Variants in MSI2 observed in about 807,000 individuals in gnomAD.
MSI2 encodes the protein musashi RNA binding protein 2, also known as RNA-binding protein Musashi homolog 2.
In MSI2, 17 loss-of-function variants were observed where a neutral mutation model predicts 45.6. That is an observed-to-expected ratio of 0.37 (90% CI 0.26 to 0.56). MSI2 has a LOEUF of 0.56. Among genes scored for constraint, MSI2 ranks in the 20% least tolerant of loss-of-function variants. MSI2 has a pLI of 0.77. For missense variants in MSI2, 293 were observed against 444.2 expected, an observed-to-expected ratio of 0.66 and a Z score of 3.06; for synonymous variants, 156 against 158.2, an observed-to-expected ratio of 0.99 and a Z score of 0.11.
At chr17:57,293,699 C>G (rs1379830298) in intron 5 of MSI2, among the ~76,000 whole-genome samples, 9 of 151,100 alleles carry the variant, frequency 6.0e-5, no homozygotes, top group Non-Finnish European at 1.3e-4. Flanking sequence ...ACCTCCGCCT[C>G]CTGGGTTCAA....
At chr17:57,317,652 A>G (rs1003890228) in intron 5 of MSI2, among the ~76,000 whole-genome samples, 2 of 151,720 alleles carry the variant, frequency 1.3e-5, no homozygotes, top group Non-Finnish European at 2.9e-5. Context: ...CTGGGACTCC[A>G]TGTTATAGTT....
chr17:57,610,417 A>C (rs946519872), intron 8 of MSI2, among the ~76,000 whole-genome samples: 1 of 151,886 alleles, frequency 6.6e-6, no homozygotes. Context: ...ACGCCACTGC[A>C]CTCCAGCCTG....
At chr17:57,616,797 G>T (rs2144563911) in intron 9 of MSI2, among the ~76,000 whole-genome samples, 1 of 152,330 alleles carries the variant, frequency 6.6e-6, no homozygotes, top group South Asian at 2.1e-4. Flanking sequence ...TGGCATGAAA[G>T]ATGGAGAAAG....
chr17:57,662,330 T>C (rs946224323), intron 11 of MSI2, among the ~76,000 whole-genome samples: 3 of 152,106 alleles, frequency 2.0e-5, no homozygotes, highest in South Asian at 2.1e-4. Context: ...AAGTGGTCAA[T>C]AGAATGCTAG....
chr17:57,594,938 G>A (rs1259630571), intron 7 of MSI2, among the ~76,000 whole-genome samples: 1 of 152,198 alleles, frequency 6.6e-6, no homozygotes, highest in Non-Finnish European at 1.5e-5. Flanking sequence ...GGCGGGTGGT[G>A]GTAGCAAATG....
chr17:57,477,784 T>C (rs2085569931), intron 6 of MSI2, among the ~76,000 whole-genome samples: 1 of 152,194 alleles, frequency 6.6e-6, no homozygotes, highest in African/African-American at 2.4e-5. Flanking sequence ...AAGCTTTCTC[T>C]TCTTAGATGT....
At chr17:57,301,343 T>C (rs1911403641) in intron 5 of MSI2, among the ~76,000 whole-genome samples, 1 of 152,238 alleles carries the variant, frequency 6.6e-6, no homozygotes, top group Non-Finnish European at 1.5e-5. Context: ...GTGATGGTGC[T>C]GAGAGGAGAG....
chr17:57,594,619 A>T (rs1248142333), intron 7 of MSI2, among the ~76,000 whole-genome samples: 2 of 152,170 alleles, frequency 1.3e-5, no homozygotes, highest in East Asian at 3.9e-4. Context: ...GAGATGCCCA[A>T]AGAGAGGGAA....
chr17:57,443,881 A>T (rs2084847512), intron 6 of MSI2, among the ~76,000 whole-genome samples: 1 of 152,156 alleles, frequency 6.6e-6, no homozygotes, highest in African/African-American at 2.4e-5. Context: ...AGCAGATGCC[A>T]CTTTGCTTTC....
At chr17:57,560,006 C>T in intron 7 of MSI2, among the ~76,000 whole-genome samples, 1 of 152,240 alleles carries the variant, frequency 6.6e-6, no homozygotes, top group Non-Finnish European at 1.5e-5. Flanking sequence ...TTTCTGAGGC[C>T]CGTGGCCATC....
chr17:57,431,005 C>G (rs969013288), intron 6 of MSI2, among the ~76,000 whole-genome samples: 2 of 152,242 alleles, frequency 1.3e-5, no homozygotes, highest in African/African-American at 4.8e-5. Context: ...ATTCCATTTC[C>G]TCTCTCTTTG....
At chr17:57,377,770 A>G (rs1211346421) in intron 5 of MSI2, among the ~76,000 whole-genome samples, 1 of 152,158 alleles carries the variant, frequency 6.6e-6, no homozygotes, top group African/African-American at 2.4e-5. Flanking sequence ...CACTCGCTCC[A>G]TCCCACTTCA....
At chr17:57,603,983 C>T (rs1297436728) in intron 8 of MSI2, among the ~76,000 whole-genome samples, 8 of 152,246 alleles carry the variant, frequency 5.3e-5, no homozygotes, top group South Asian at 2.1e-4. Context: ...GGGATAGCAG[C>T]CTGTGGAAAG....
chr17:57,307,840 T>C (rs1912046565), intron 5 of MSI2, among the ~76,000 whole-genome samples: 1 of 152,266 alleles, frequency 6.6e-6, no homozygotes, highest in South Asian at 2.1e-4. Flanking sequence ...TGATTCGATG[T>C]CTCTGGAGAG....
intron 5 of MSI2, among the ~76,000 whole-genome samples, chr17:57,373,772 A>C (rs543618811): frequency 6.6e-6 from 1 of 152,354 alleles, no homozygotes; most frequent in Admixed American, 6.5e-5. Context: ...TGTGATCTCC[A>C]GCAAAATAGG....
chr17:57,528,183 G>A (rs1035461439), intron 6 of MSI2, among the ~76,000 whole-genome samples: 6 of 152,092 alleles, frequency 3.9e-5, no homozygotes, highest in African/African-American at 1.4e-4. Flanking sequence ...GCTGCACACT[G>A]GTCAGACCAG....
intron 11 of MSI2, among the ~76,000 whole-genome samples, chr17:57,660,379 G>A (rs4793888): frequency 0.16 from 24,088 of 152,100 alleles, 2,280 homozygotes; most frequent in East Asian, 0.39. Context: ...CTCTTTACAC[G>A]GTGGTGTAAG....
chr17:57,379,842 G>A (rs1380869140), intron 5 of MSI2, among the ~76,000 whole-genome samples: 1 of 152,144 alleles, frequency 6.6e-6, no homozygotes, highest in Non-Finnish European at 1.5e-5. Flanking sequence ...GGTTTCCAGA[G>A]TTTTCTTTGT....
chr17:57,298,276 C>T (rs1045987364), intron 5 of MSI2, among the ~76,000 whole-genome samples: 3 of 152,200 alleles, frequency 2.0e-5, no homozygotes, highest in African/African-American at 4.8e-5. Flanking sequence ...CATTAATCTT[C>T]TTGTATACCT....
Sources: gnomAD v4.1 joint callset for allele counts (sites outside exome capture counted in the v4.1 genomes callset) on GRCh38, gnomAD v4.1.1 for gene constraint, MANE v1.5 for transcripts, NCBI Gene and HGNC (gene_info 2026-07-23, HGNC 2026-07-21) for gene names.